The following FGFR2 variants were observed in gnomAD, a reference collection of about 807,000 sequenced individuals.
The protein encoded by FGFR2 is fibroblast growth factor receptor 2.
Under a neutral mutation model 95.9 loss-of-function variants are expected in FGFR2, and 19 were observed. The observed-to-expected ratio is 0.20, with a 90% CI of 0.14 to 0.29. The LOEUF (loss-of-function observed/expected upper bound fraction) is 0.29, where lower values mean the gene tolerates loss of function less well. FGFR2 is among the 10% of genes least tolerant of loss of function. The pLI, the probability that FGFR2 is intolerant of heterozygous loss-of-function variation, is 1.00. For missense variants in FGFR2, 707 were observed against 1,056.9 expected (o/e 0.67, Z 4.59); for synonymous variants, 392 against 393.3 (o/e 1.00, Z 0.04).
Position 121,479,725 on chromosome 10 carries a change from C to T in FGFR2, c.*132G>A. 1.2e-6 allele frequency: 2 copies of T among 1,608,590 alleles called. No homozygotes were observed. Among genetic ancestry groups the T allele is most frequent in the South Asian group, 1.1e-5 (1 of 90,506 alleles). On this transcript the variant is annotated 3_prime_UTR_variant, in exon 18 of 18. Coordinates refer to ENST00000358487, the MANE Select transcript of FGFR2 (RefSeq NM_000141.5). The stretch of plus-strand genomic sequence containing the variant: ...TAAATCTTTACACATATGCTGATTA[C>T]TTTTCCAATTATTTACTCCTCTGAT...
At chr10:121,551,234 A>T in intron 5 of FGFR2, 56 bp downstream of exon 5, 1 of 1,599,850 alleles carries the variant, frequency 6.3e-7, no homozygotes, top group Non-Finnish European at 8.6e-7. Flanking sequence ...AAAAAATGTA[A>T]ATAAATAAAT....
chr10:121,572,556 G>T lies in FGFR2; in HGVS notation c.110-6852C>A, dbSNP rs117600545. On this transcript the variant is annotated intron_variant, in intron 2 of 17. Transcript: ENST00000358487. ...GAATCGTTTAACCCAGAAGGTGGAG[G>T]TTGCAGTGAGCCGAGACCATGCCAT... Among the ~76,000 whole-genome samples, 296 of 152,184 alleles carry T rather than the reference G, an allele frequency of 1.9e-3. 5 individuals carry two copies. In the East Asian group the frequency reaches 0.047, roughly 24 times the overall value.
Position 121,481,827 on chromosome 10 carries a change from C to CTTTTTTTTTTTTTTTTTTTTTTTTTTTT in FGFR2, c.2302-1807_2302-1806insAAAAAAAAAAAAAAAAAAAAAAAAAAAA, listed in dbSNP as rs1172844728. ...CTTTAGTGCTTTTCCCGGTTTCTTT[C>CTTTTTTTTTTTTTTTTTTTTTTTTTTTT]TTTTTTATTTTTATTTTTTTTTTTT... On this transcript the variant is annotated intron_variant, in intron 17 of 17. Coordinates refer to ENST00000358487, the MANE Select transcript of FGFR2 (RefSeq NM_000141.5). 3.4e-5 allele frequency: 6 copies of CTTTTTTTTTTTTTTTTTTTTTTTTTTTT among 176,724 alleles called. 1 individual carries two copies. The highest frequency in any genetic ancestry group is 8.8e-5 in the African/African-American group (3 of 34,132). 10.9% of individuals were successfully genotyped at this position (176,724 alleles called of 1,614,324 possible).
At chr10:121,511,772 C>T (rs890202653) in intron 9 of FGFR2, among the ~76,000 whole-genome samples, 1 of 152,194 alleles carries the variant, frequency 6.6e-6, no homozygotes, top group Non-Finnish European at 1.5e-5. Context: ...CCTTCTTCAA[C>T]CATGTGCATA....
At chr10:121,593,366 T>C (rs1862954547) in intron 2 of FGFR2, among the ~76,000 whole-genome samples, 1 of 152,210 alleles carries the variant, frequency 6.6e-6, no homozygotes, top group Admixed American at 6.5e-5. Flanking sequence ...GCAGTAGGAA[T>C]GATGCTGGGG....
At chr10:121,592,779 A>T (rs1381283492) in intron 2 of FGFR2, among the ~76,000 whole-genome samples, 3 of 152,148 alleles carry the variant, frequency 2.0e-5, no homozygotes, top group Non-Finnish European at 2.9e-5. Context: ...TCCTAAAGCC[A>T]GGCAGGCACC....
chr10:121,545,392 G>A lies in FGFR2; in HGVS notation c.624+5898C>T, dbSNP rs111983448. On this transcript the variant is annotated intron_variant, in intron 5 of 17. Transcript: ENST00000358487. ...CCACGTAGGTCCAAATGGCAGCTGT[G>A]CCACCTATGAGGTAGGGGTAGGGCA... Among the ~76,000 whole-genome samples, 445 of 152,336 alleles carry A rather than the reference G, an allele frequency of 2.9e-3. 2 individuals carry two copies. Among genetic ancestry groups the A allele is most frequent in the African/African-American group, 0.01 (429 of 41,574 alleles).
At chr10:121,568,510 C>T (rs114616055) in intron 2 of FGFR2, among the ~76,000 whole-genome samples, 1,745 of 152,260 alleles carry the variant, frequency 0.011, 29 homozygotes, top group African/African-American at 0.038. Context: ...TTCCCTCCCT[C>T]ACAGGGAAGG....
chr10:121,517,623 C>T lies in FGFR2; in HGVS notation c.940-160G>A, dbSNP rs1025358799. 7.2e-5 allele frequency among the ~76,000 whole-genome samples: 11 copies of T among 152,080 alleles called. No homozygotes were observed. Among genetic ancestry groups the T allele is most frequent in the Non-Finnish European group, 1.3e-4 (9 of 68,026 alleles). On this transcript the variant is annotated intron_variant, in intron 7 of 17. Coordinates refer to ENST00000358487, the MANE Select transcript of FGFR2 (RefSeq NM_000141.5). The surrounding 1 kb of genome is among the most constrained non-coding windows in gnomAD (Gnocchi z 4.7). Reference sequence around the variant, plus strand: ...CCACAAAGCCCACAACCGAGAGACACGGAGCAACACTGACCAGCTCACCTC... The same window carrying T: ...CCACAAAGCCCACAACCGAGAGACATGGAGCAACACTGACCAGCTCACCTC...
chr10:121,593,640 A>C, intron 2 of FGFR2, 69 bp downstream of exon 2: 1 of 1,350,536 alleles, frequency 7.4e-7, no homozygotes, highest in Non-Finnish European at 1.1e-6. Flanking sequence ...TGATTCTAAA[A>C]CAGGCCTTAA....
chr10:121,597,866 C>T, intron 1 of FGFR2, 96 bp downstream of exon 1: 1 of 382,428 alleles, frequency 2.6e-6, no homozygotes, highest in Non-Finnish European at 4.6e-6. Context: ...TTCCGCGCCC[C>T]CCGCCCGGAG....
intron 1 of FGFR2, 99 bp downstream of exon 1, chr10:121,597,862 GC>G (rs1316789669): frequency 7.9e-6 from 3 of 379,432 alleles, no homozygotes; most frequent in Non-Finnish European, 1.4e-5. Context: ...GTCCTTCCGC[GC>G]CCCCCGCCCG....
Position 121,518,761 on chromosome 10 carries a change from C to A in FGFR2, c.939+1218G>T, listed in dbSNP as rs944656551. 11 of 1,614,006 alleles carry A rather than the reference C, an allele frequency of 6.8e-6. No homozygotes were observed. Among genetic ancestry groups the A allele is most frequent in the Non-Finnish European group, 7.6e-6 (9 of 1,180,014 alleles). ...AATTGGAGACCTTACATATATATTC[C>A]CCAGCATCCGCCTCGGTCACATTGA... On this transcript the variant is annotated intron_variant, in intron 7 of 17. Coordinates refer to ENST00000358487, the MANE Select transcript of FGFR2 (RefSeq NM_000141.5). The surrounding 1 kb of genome is among the most constrained non-coding windows in gnomAD (Gnocchi z 4.0).
At position 121,550,886 on chromosome 10, in the gene FGFR2, C is replaced by T. The variant is rs562288533; in HGVS notation, c.624+404G>A. Among the ~76,000 whole-genome samples, 807 of 152,116 alleles carry T rather than the reference C, an allele frequency of 5.3e-3. 8 individuals are homozygous for T. Among genetic ancestry groups the T allele is most frequent in the South Asian group, 0.027 (129 of 4,818 alleles). On this transcript the variant is annotated intron_variant, in intron 5 of 17. Coordinates refer to ENST00000358487, the MANE Select transcript of FGFR2 (RefSeq NM_000141.5). ...AATTATTGATTCTTGTTAAAGTATT[C>T]CTTCTAATTCCTGCTAACTTTTGAG...
At chr10:121,557,286 T>C (rs1404793652) in intron 4 of FGFR2, among the ~76,000 whole-genome samples, 4 of 152,152 alleles carry the variant, frequency 2.6e-5, no homozygotes, top group Non-Finnish European at 4.4e-5. Flanking sequence ...ATCAACAGTA[T>C]TTGTGATAAA....
chr10:121,496,761 C>T (rs772094984), intron 12 of FGFR2, 39 bp from the exon 13 acceptor site: 13 of 1,587,370 alleles, frequency 8.2e-6, no homozygotes, highest in South Asian at 7.7e-5. Flanking sequence ...AGAGAGAATC[C>T]AGGGTCTCCC....
intron 4 of FGFR2, among the ~76,000 whole-genome samples, chr10:121,556,218 G>A (rs149979468): frequency 6.6e-6 from 1 of 152,238 alleles, no homozygotes; most frequent in Non-Finnish European, 1.5e-5. Flanking sequence ...CCGCCAGTTC[G>A]AACATACTTT....
intron 9 of FGFR2, 85 bp from the exon 10 acceptor site, chr10:121,504,026 G>C (rs1017551759): frequency 6.6e-6 from 10 of 1,523,442 alleles, no homozygotes; most frequent in Non-Finnish European, 9.0e-6. Context: ...CCAGAGTATC[G>C]AATCTTAGAA....
chr10:121,559,471 C>A (rs939456106), intron 4 of FGFR2, among the ~76,000 whole-genome samples: 5 of 152,242 alleles, frequency 3.3e-5, no homozygotes, highest in African/African-American at 7.2e-5. Flanking sequence ...ATCTCAGCCG[C>A]CCCAGGCTGC....
Sources: gnomAD v4.1 joint callset for allele counts (sites outside exome capture counted in the v4.1 genomes callset) on GRCh38, gnomAD v4.1.1 for gene constraint, Gnocchi (gnomAD v3.1) non-coding constraint, MANE v1.5 for transcripts, NCBI Gene and HGNC (gene_info 2026-07-23, HGNC 2026-07-21) for gene names.